The following ALPK1 variants were observed in gnomAD, a reference collection of about 807,000 sequenced individuals.
The protein encoded by ALPK1 is alpha-protein kinase 1.
Under a neutral mutation model 120.6 loss-of-function variants are expected in ALPK1, and 110 were observed. That is an observed-to-expected ratio of 0.91 (90% CI 0.78 to 1.07). The LOEUF (loss-of-function observed/expected upper bound fraction) is 1.07. Among genes scored for constraint, ALPK1 ranks in the 50% least tolerant of loss-of-function variants. The pLI is 0.00. For synonymous variants in ALPK1, 582 were observed against 560.3 expected (o/e 1.04, Z -0.55); for missense variants, 1,498 against 1,483.9 (o/e 1.01, Z -0.16).
chr4:112,317,750 A>C (rs1728698695), intron 2 of ALPK1, among the ~76,000 whole-genome samples: 1 of 152,166 alleles, frequency 6.6e-6, no homozygotes, highest in African/African-American at 2.4e-5. Flanking sequence ...TTTTGGAAGA[A>C]AATGTCAGTG....
intron 5 of ALPK1, chr4:112,415,075 C>T (rs1733677245): frequency 6.6e-6 from 1 of 152,180 alleles, no homozygotes; most frequent in African/African-American, 2.4e-5. Flanking sequence ...TGCTCTCCGC[C>T]CAAGCTCTGG....
chr4:112,372,174 A>G (rs1257991946), intron 2 of ALPK1, among the ~76,000 whole-genome samples: 1 of 149,486 alleles, frequency 6.7e-6, no homozygotes, highest in African/African-American at 2.5e-5. Context: ...ATTAAAATTT[A>G]CTTCAATTTG....
chr4:112,401,808 T>C (rs1457069587), intron 4 of ALPK1, among the ~76,000 whole-genome samples: 3 of 152,218 alleles, frequency 2.0e-5, no homozygotes, highest in Non-Finnish European at 4.4e-5. Flanking sequence ...ATCCAAAATA[T>C]TATCTTCAGA....
chr4:112,332,323 A>G (rs1729419024), intron 2 of ALPK1, among the ~76,000 whole-genome samples: 1 of 152,254 alleles, frequency 6.6e-6, no homozygotes, highest in Non-Finnish European at 1.5e-5. Context: ...GGACGCAAGA[A>G]GGTACAGCAA....
intron 1 of ALPK1, among the ~76,000 whole-genome samples, chr4:112,313,896 G>A (rs60341524): frequency 0.085 from 12,883 of 152,170 alleles, 838 homozygotes; most frequent in Admixed American, 0.21. Flanking sequence ...AATTCTTTCA[G>A]GGAATTTTGC....
chr4:112,405,549 C>T (rs1017636594), intron 4 of ALPK1, among the ~76,000 whole-genome samples: 4 of 152,062 alleles, frequency 2.6e-5, no homozygotes, highest in Non-Finnish European at 5.9e-5. Context: ...ACAGTGACTT[C>T]AGCCCCAGCT....
At chr4:112,302,947 C>T (rs749237310) in intron 1 of ALPK1, among the ~76,000 whole-genome samples, 9 of 152,174 alleles carry the variant, frequency 5.9e-5, no homozygotes, top group South Asian at 2.1e-4. Context: ...AGGAGACAAA[C>T]ACAAAGGCTG....
chr4:112,302,845 C>G (rs182466935), intron 1 of ALPK1, among the ~76,000 whole-genome samples: 1 of 152,314 alleles, frequency 6.6e-6, no homozygotes, highest in East Asian at 1.9e-4. Context: ...AGCCTCTACT[C>G]CTCGGCTCCA....
At chr4:112,385,413 C>G (rs1481378437) in intron 4 of ALPK1, among the ~76,000 whole-genome samples, 2 of 152,138 alleles carry the variant, frequency 1.3e-5, no homozygotes, top group Admixed American at 1.3e-4. Flanking sequence ...AGTAGCAGCT[C>G]TAAGGGGCGC....
chr4:112,431,118 G>T lies in ALPK1; in HGVS notation c.1571G>T (p.Gly524Val), dbSNP rs779114074. ...RDTGISSSLMGKNVQRELRRG... is the reference protein window; with the variant it reads ...RDTGISSSLMVKNVQRELRRG... ...ACAGGAATATCTTCCTCCCTAATGG[G>T]TAAGAATGTTCAGAGGGAACTCAGA... Residue 524 changes from glycine (G) to valine (V), a missense_variant, in exon 11 of 16, where the codon GGT (glycine) becomes GTT (valine). Gly to Val is a moderately radical substitution (Grantham distance 109, BLOSUM62 -3). Transcript: ENST00000650871. 6.2e-7 allele frequency: 1 copy of T among 1,614,182 alleles called. No homozygotes were observed. Among genetic ancestry groups the T allele is most frequent in the Non-Finnish European group, 8.5e-7 (1 of 1,180,038 alleles).
chr4:112,376,819 C>T (rs76162291), intron 2 of ALPK1, among the ~76,000 whole-genome samples: 34 of 152,276 alleles, frequency 2.2e-4, no homozygotes, highest in Non-Finnish European at 4.3e-4. Flanking sequence ...GACAGCAGCT[C>T]CACTATCTAT....
intron 4 of ALPK1, among the ~76,000 whole-genome samples, chr4:112,404,127 G>A (rs1733059335): frequency 6.6e-6 from 1 of 152,190 alleles, no homozygotes; most frequent in Non-Finnish European, 1.5e-5. Flanking sequence ...AGTTGGTGAA[G>A]AGAAGAAAGA....
intron 2 of ALPK1, among the ~76,000 whole-genome samples, chr4:112,334,432 CAAA>C (rs34230609): frequency 7.4e-5 from 9 of 120,806 alleles, no homozygotes; most frequent in Admixed American, 8.2e-5. Flanking sequence ...GACTCTGCCT[CAAA>C]AAAAAAAAAA....
chr4:112,398,522 C>T lies in ALPK1; in HGVS notation c.277-13305C>T, dbSNP rs1159430252. ...CTATGTTGCCCAGGCTTCTTTCAAG[C>T]TCCTGGGCTCAAGTAATCCTCCTGC... On this transcript the variant is annotated intron_variant, in intron 4 of 15. Transcript: ENST00000650871. Among the ~76,000 whole-genome samples the T allele has an allele frequency of 5.9e-5, 9 of 152,166 alleles. No homozygotes were observed. In the South Asian group the frequency reaches 1.0e-3, roughly 18 times the overall value.
At position 112,411,970 on chromosome 4, in the gene ALPK1, C is replaced by G. The variant is rs1433737517; in HGVS notation, c.420C>G (p.Ala140=). The change falls in exon 5 of 16, where the codon GCC becomes GCG. Residue 140 remains alanine (A), a synonymous_variant. Coordinates refer to ENST00000650871, the MANE Select transcript of ALPK1 (RefSeq NM_025144.4). ...AAGGTCTCCACAAGTTGCAGCCAGC[C>G]ACGCCAATTGCCCCGCAGGTGGTTA... ...VAKGLHKLQP[A]TPIAPQVVIR... is the part of the protein sequence containing the mutation. 5.0e-6 allele frequency: 8 copies of G among 1,614,062 alleles called. No homozygotes were observed. The highest frequency in any genetic ancestry group is 6.8e-6 in the Non-Finnish European group (8 of 1,180,042).
At chr4:112,378,808 T>C (rs1468279721) in intron 3 of ALPK1, among the ~76,000 whole-genome samples, 1 of 152,270 alleles carries the variant, frequency 6.6e-6, no homozygotes, top group African/African-American at 2.4e-5. Context: ...TGAGTTCTTG[T>C]ACATAGGCAC....
intron 2 of ALPK1, chr4:112,356,933 C>T: frequency 1.3e-6 from 1 of 759,660 alleles, no homozygotes; most frequent in Non-Finnish European, 2.4e-6. Flanking sequence ...TGACCTGACC[C>T]CCCATGACCC....
chr4:112,358,498 C>T, intron 2 of ALPK1: 1 of 679,820 alleles, frequency 1.5e-6, no homozygotes, highest in East Asian at 2.6e-5. Flanking sequence ...AGCAGAGGCC[C>T]TCAGGGTCAC....
rs894941881 is a variant in ALPK1, at chr4:112,438,430, A to G, written c.3189-54A>G. 4.5e-6 allele frequency: 7 copies of G among 1,542,636 alleles called. No individual in the cohort carries two copies. In the African/African-American group the frequency reaches 5.5e-5, roughly 12 times the overall value. On this transcript the variant is annotated intron_variant, in intron 12 of 15. Coordinates refer to ENST00000650871, the MANE Select transcript of ALPK1 (RefSeq NM_025144.4). ...CTTTTGATCTCCTCTCTCTTACTCC[A>G]TAGTAAGTAAGACCACTTTTGCATT...
Sources: allele counts gnomAD v4.1 joint callset (sites outside exome capture counted in the v4.1 genomes callset), GRCh38; gene constraint gnomAD v4.1.1; transcripts MANE v1.5; gene names NCBI Gene and HGNC (gene_info 2026-07-23, HGNC 2026-07-21).